The following PARD3B variants were observed in gnomAD, a reference collection of about 807,000 sequenced individuals.
PARD3B encodes partitioning defective 3 homolog B.
Under a neutral mutation model 130.2 loss-of-function variants are expected in PARD3B, and 103 were observed. The observed-to-expected ratio is 0.79, with a 90% CI of 0.67 to 0.93. The LOEUF (loss-of-function observed/expected upper bound fraction) is 0.93. Among genes scored for constraint, PARD3B ranks in the 40% least tolerant of loss-of-function variants. PARD3B has a pLI of 0.00. For missense variants in PARD3B, 1,609 were observed against 1,499.2 expected, an observed-to-expected ratio of 1.07 and a Z score of -1.21; for synonymous variants, 583 against 553.2, an observed-to-expected ratio of 1.05 and a Z score of -0.76.
chr2:205,077,886 A>T (rs1389163020), intron 4 of PARD3B, among the ~76,000 whole-genome samples: 1 of 152,186 alleles, frequency 6.6e-6, no homozygotes, highest in Non-Finnish European at 1.5e-5. Context: ...AGAGTTGGCC[A>T]TAGGAATTTT....
chr2:205,239,500 G>A (rs2039255133), intron 15 of PARD3B, among the ~76,000 whole-genome samples: 1 of 152,138 alleles, frequency 6.6e-6, no homozygotes, highest in Non-Finnish European at 1.5e-5. Context: ...GTACTGAATG[G>A]ATTAAAACAA....
At chr2:205,026,806 G>A (rs981204653) in intron 3 of PARD3B, among the ~76,000 whole-genome samples, 3 of 151,990 alleles carry the variant, frequency 2.0e-5, no homozygotes, top group South Asian at 2.1e-4. Flanking sequence ...GGCTTATTTC[G>A]CTTAGCATAA....
At chr2:204,892,682 A>T (rs1442756109) in intron 2 of PARD3B, among the ~76,000 whole-genome samples, 1 of 152,162 alleles carries the variant, frequency 6.6e-6, no homozygotes, top group Non-Finnish European at 1.5e-5. Flanking sequence ...GGAGATGAAG[A>T]GATGTGGTCA....
chr2:205,324,440 TATTTGATGCAA>T (rs1307147131), intron 18 of PARD3B, among the ~76,000 whole-genome samples: 4 of 152,312 alleles, frequency 2.6e-5, no homozygotes, highest in Admixed American at 1.3e-4. Flanking sequence ...AAGGATGTCC[TATTTGATGCAA>T]ATTACTGTTC....
At chr2:205,435,753 G>A (rs1282036546) in intron 19 of PARD3B, among the ~76,000 whole-genome samples, 2 of 151,852 alleles carry the variant, frequency 1.3e-5, no homozygotes, top group Non-Finnish European at 2.9e-5. Context: ...ATTAACTTGT[G>A]ATTTTCATTA....
chr2:204,615,621 T>C (rs1018409187), intron 1 of PARD3B, among the ~76,000 whole-genome samples: 51 of 152,176 alleles, frequency 3.4e-4, no homozygotes, highest in African/African-American at 1.2e-3. Context: ...CAATGAGCAC[T>C]GTCAGTTGTT....
chr2:205,586,721 T>C (rs1231989795), intron 22 of PARD3B, among the ~76,000 whole-genome samples: 2 of 152,180 alleles, frequency 1.3e-5, no homozygotes, highest in Admixed American at 6.5e-5. Context: ...ACAATTTTCC[T>C]ATACTTGACA....
rs113579475 is a variant in PARD3B, at chr2:204,551,609, T to C, written c.120+5490T>C. Among the ~76,000 whole-genome samples the C allele has an allele frequency of 9.9e-3, 1,503 of 152,202 alleles. 18 individuals carry two copies. The highest frequency in any genetic ancestry group is 0.035 in the African/African-American group (1,455 of 41,538). On this transcript the variant is annotated intron_variant, in intron 1 of 22. Transcript: ENST00000406610. ...CCACACACCCTCTGTGTATAATCCA[T>C]GCACATAGGGTTTGCTGAACCGGGT...
chr2:204,734,433 C>T (rs986144110), intron 2 of PARD3B, among the ~76,000 whole-genome samples: 1 of 152,084 alleles, frequency 6.6e-6, no homozygotes, highest in Non-Finnish European at 1.5e-5. Flanking sequence ...AACTTATGGT[C>T]CCACAAATAG....
intron 2 of PARD3B, among the ~76,000 whole-genome samples, chr2:204,750,001 T>G (rs758317864): frequency 3.3e-5 from 5 of 152,202 alleles, no homozygotes; most frequent in African/African-American, 4.8e-5. Context: ...TTGTCTCTAA[T>G]TGGGTTGAAA....
chr2:204,689,205 G>T lies in PARD3B; in HGVS notation c.222+2923G>T, dbSNP rs1289202907. On this transcript the variant is annotated intron_variant, in intron 2 of 22. Transcript: ENST00000406610. This position sits in a 1 kb window ranked among gnomAD's most constrained non-coding sequence, Gnocchi z 5.2. ...GACTTTTAAAACTTGTGCCTAAAGT[G>T]GTTTGTCTGTGGTCTTACTTCTATT... 6.6e-6 allele frequency among the ~76,000 whole-genome samples: 1 copy of T among 152,166 alleles called. No individual in the cohort carries two copies. The highest frequency in any genetic ancestry group is 1.5e-5 in the Non-Finnish European group (1 of 68,026).
intron 2 of PARD3B, among the ~76,000 whole-genome samples, chr2:204,874,836 T>C (rs2125655280): frequency 6.6e-6 from 1 of 152,334 alleles, no homozygotes; most frequent in African/African-American, 2.4e-5. Flanking sequence ...TCATAGTTGC[T>C]ATTTTGTGGG....
chr2:205,336,873 A>T (rs193162463), intron 18 of PARD3B, among the ~76,000 whole-genome samples: 29 of 152,044 alleles, frequency 1.9e-4, no homozygotes, highest in Admixed American at 3.9e-4. Context: ...GACCATGTTC[A>T]CTTTGCTTAT....
intron 18 of PARD3B, 50 bp from the exon 19 acceptor site, chr2:205,400,963 C>CA: frequency 2.2e-6 from 3 of 1,384,770 alleles, no homozygotes; most frequent in Non-Finnish European, 3.0e-6. Context: ...AGCTCTACCG[C>CA]AAAAACAATG....
At chr2:204,992,344 C>A (rs1279062270) in intron 3 of PARD3B, among the ~76,000 whole-genome samples, 1 of 136,210 alleles carries the variant, frequency 7.3e-6, no homozygotes. Context: ...AATCCTTTCC[C>A]CATTGCTTGT....
chr2:204,944,757 T>C (rs6435264), intron 2 of PARD3B, among the ~76,000 whole-genome samples: 33,821 of 152,126 alleles, frequency 0.22, 4,086 homozygotes, highest in African/African-American at 0.29. Flanking sequence ...GTGATTTTGT[T>C]CTAATTGTAC....
At chr2:204,985,111 C>T (rs1163949353) in intron 3 of PARD3B, among the ~76,000 whole-genome samples, 3 of 152,094 alleles carry the variant, frequency 2.0e-5, no homozygotes, top group Non-Finnish European at 4.4e-5. Flanking sequence ...TAGTCTGTCT[C>T]TTTCTCTTCT....
Position 205,269,895 on chromosome 2 carries a change from CAT to C in PARD3B, c.2185+24074_2185+24075del. ...TCCTAATTCACCAATATCAGTATAA[CAT>C]GTAATTTTTTCCCTAGAATACAGCA... On this transcript the variant is annotated intron_variant, in intron 16 of 22. Transcript: ENST00000406610. This position sits in a 1 kb window ranked among gnomAD's most constrained non-coding sequence, Gnocchi z 4.7. 1.3e-5 allele frequency among the ~76,000 whole-genome samples: 2 copies of C among 152,168 alleles called. No homozygotes were observed. The highest frequency in any genetic ancestry group is 1.3e-4 in the Admixed American group (2 of 15,266).
At chr2:205,071,779 AT>A (rs1174748009) in intron 4 of PARD3B, among the ~76,000 whole-genome samples, 3 of 152,278 alleles carry the variant, frequency 2.0e-5, no homozygotes, top group Admixed American at 1.3e-4. Flanking sequence ...AATTATTGTT[AT>A]CCAGAATTTC....
Sources: allele counts gnomAD v4.1 joint callset (sites outside exome capture counted in the v4.1 genomes callset), GRCh38; gene constraint gnomAD v4.1.1; non-coding constraint Gnocchi (gnomAD v3.1); transcripts MANE v1.5; gene names NCBI Gene and HGNC (gene_info 2026-07-23, HGNC 2026-07-21).